The following FSTL4 variants were observed in gnomAD, a reference collection of about 807,000 sequenced individuals.
The protein encoded by FSTL4 is follistatin like 4.
FSTL4 carries 28 observed loss-of-function variants against 78.2 expected under a neutral mutation model. That is an observed-to-expected ratio of 0.36 (90% CI 0.27 to 0.49). The LOEUF is 0.49. Among genes scored for constraint, FSTL4 ranks in the 20% least tolerant of loss-of-function variants. The probability of loss-of-function intolerance (pLI) is 0.98; values close to 1 mark genes in which losing one functional copy is unlikely to be tolerated. For missense variants in FSTL4, 922 were observed against 1,084.9 expected, an observed-to-expected ratio of 0.85 and a Z score of 2.11; for synonymous variants, 422 against 440.5, an observed-to-expected ratio of 0.96 and a Z score of 0.53.
the FSTL4 span, among the ~76,000 whole-genome samples, chr5:133,689,456 T>C: frequency 6.6e-6 from 1 of 152,240 alleles, no homozygotes; most frequent in Non-Finnish European, 1.5e-5. Flanking sequence ...TTTGCATTTT[T>C]TTCCCACAAT....
At chr5:133,238,820 C>T (rs1185036835) in intron 7 of FSTL4, among the ~76,000 whole-genome samples, 1 of 152,254 alleles carries the variant, frequency 6.6e-6, no homozygotes. Context: ...TGAGAGATGA[C>T]AGCATGCTGG....
the FSTL4 span, among the ~76,000 whole-genome samples, chr5:133,834,531 A>G: frequency 6.6e-6 from 1 of 152,148 alleles, no homozygotes; most frequent in Non-Finnish European, 1.5e-5. Context: ...GGGAGTAACA[A>G]TTATAGACAT....
chr5:133,323,370 T>C (rs1754120236), intron 4 of FSTL4, among the ~76,000 whole-genome samples: 1 of 152,226 alleles, frequency 6.6e-6, no homozygotes, highest in Non-Finnish European at 1.5e-5. Context: ...GCCTGGGGTC[T>C]TCTCTTGGTG....
chr5:133,283,896 G>C (rs1426878474), intron 6 of FSTL4, among the ~76,000 whole-genome samples: 3 of 152,302 alleles, frequency 2.0e-5, no homozygotes, highest in South Asian at 2.1e-4. Flanking sequence ...AGGCAGAGGG[G>C]AAGCAAGCAT....
At chr5:133,242,701 A>G (rs565432771) in intron 7 of FSTL4, among the ~76,000 whole-genome samples, 4 of 152,328 alleles carry the variant, frequency 2.6e-5, no homozygotes, top group African/African-American at 9.6e-5. Flanking sequence ...CACTACTCCC[A>G]ATGGTTTGAG....
intron 8 of FSTL4, among the ~76,000 whole-genome samples, chr5:133,231,360 G>A (rs112891096): frequency 9.9e-5 from 15 of 152,152 alleles, no homozygotes; most frequent in African/African-American, 2.9e-4. Context: ...AGTGTGGACA[G>A]GGAGGGTCTA....
chr5:133,750,142 T>A, the FSTL4 span, among the ~76,000 whole-genome samples: 1 of 151,972 alleles, frequency 6.6e-6, no homozygotes, highest in African/African-American at 2.4e-5. Context: ...CAGAGTTAGG[T>A]GACCTTTTCA....
the FSTL4 span, among the ~76,000 whole-genome samples, chr5:133,806,969 A>T: frequency 6.6e-6 from 1 of 152,224 alleles, no homozygotes; most frequent in Admixed American, 6.5e-5. Context: ...AGGACTTATG[A>T]GGATGCTCCA....
At chr5:133,447,933 T>C (rs1235287484) in intron 3 of FSTL4, among the ~76,000 whole-genome samples, 3 of 149,356 alleles carry the variant, frequency 2.0e-5, no homozygotes, top group African/African-American at 4.9e-5. Context: ...AGAACTCTCC[T>C]TTTTTTTTTC....
chr5:133,634,142 A>G, the FSTL4 span, among the ~76,000 whole-genome samples: 1 of 151,746 alleles, frequency 6.6e-6, no homozygotes, highest in African/African-American at 2.4e-5. Flanking sequence ...TGGGGTCAAA[A>G]CCAAACTCCC....
the FSTL4 span, among the ~76,000 whole-genome samples, chr5:133,697,214 G>A: frequency 6.6e-6 from 1 of 152,212 alleles, no homozygotes; most frequent in African/African-American, 2.4e-5. Context: ...AGGGCTGGGA[G>A]GCACCACATG....
intron 3 of FSTL4, among the ~76,000 whole-genome samples, chr5:133,461,702 C>T (rs1158550911): frequency 6.6e-6 from 1 of 152,170 alleles, no homozygotes; most frequent in African/African-American, 2.4e-5. Flanking sequence ...GATGCTTCAT[C>T]CTTATTCACT....
At chr5:133,409,609 C>G in intron 3 of FSTL4, among the ~76,000 whole-genome samples, 1 of 152,210 alleles carries the variant, frequency 6.6e-6, no homozygotes, top group South Asian at 2.1e-4. Flanking sequence ...TTCACAGCTG[C>G]TCAGAACTCC....
rs566196665 is a variant in FSTL4, at chr5:133,234,660, CA to C, written c.895-1124del. ...GAGAAGGCCCAGGCTCACTAATGAGCAAGGGGGTTGTGCACTGTCATCTGTG... is the reference window on the plus strand; with the variant it reads ...GAGAAGGCCCAGGCTCACTAATGAGCAGGGGGTTGTGCACTGTCATCTGTG... On this transcript the variant is annotated intron_variant, in intron 7 of 15. Coordinates refer to ENST00000265342, the MANE Select transcript of FSTL4 (RefSeq NM_015082.2). Among the ~76,000 whole-genome samples the C allele has an allele frequency of 3.3e-5, 5 of 152,298 alleles. No individual in the cohort carries two copies. In the South Asian group the frequency reaches 8.3e-4, roughly 25 times the overall value.
intron 4 of FSTL4, 109 bp from the exon 5 acceptor site, chr5:133,316,761 CT>C: frequency 1.2e-6 from 1 of 860,196 alleles, no homozygotes; most frequent in Non-Finnish European, 1.8e-6. Flanking sequence ...CAGGCGTTCA[CT>C]ATGTGCAGTG....
intron 4 of FSTL4, among the ~76,000 whole-genome samples, chr5:133,320,745 C>T (rs952598152): frequency 3.9e-5 from 6 of 152,134 alleles, no homozygotes; most frequent in Admixed American, 1.3e-4. Flanking sequence ...TGGTGGCTCA[C>T]GCCTGTAATC....
chr5:133,561,326 G>C (rs907424936), intron 3 of FSTL4, among the ~76,000 whole-genome samples: 14 of 151,972 alleles, frequency 9.2e-5, no homozygotes, highest in African/African-American at 3.4e-4. Flanking sequence ...CAAGGCGTCT[G>C]CACACACAGT....
intron 6 of FSTL4, among the ~76,000 whole-genome samples, chr5:133,305,016 A>G (rs1401003596): frequency 2.0e-5 from 3 of 152,220 alleles, no homozygotes; most frequent in East Asian, 1.9e-4. Flanking sequence ...CTGTCTTTAT[A>G]TAGCAAGGGA....
intron 6 of FSTL4, among the ~76,000 whole-genome samples, chr5:133,263,977 G>T (rs1752591586): frequency 6.6e-6 from 1 of 152,182 alleles, no homozygotes. Context: ...ATGGTGGAAA[G>T]ATTGGGTAAA....
Sources: allele counts gnomAD v4.1 joint callset (sites outside exome capture counted in the v4.1 genomes callset), GRCh38; gene constraint gnomAD v4.1.1; transcripts MANE v1.5; gene names NCBI Gene and HGNC (gene_info 2026-07-23, HGNC 2026-07-21).